Variants in NDUFAF6 observed in about 807,000 individuals in gnomAD.
The protein encoded by NDUFAF6 is NADH dehydrogenase (ubiquinone) complex I, assembly factor 6.
A neutral mutation model predicts 40.8 loss-of-function variants in NDUFAF6; 45 were observed. That is an observed-to-expected ratio of 1.10 (90% confidence interval 0.87 to 1.42). NDUFAF6 has a LOEUF of 1.42. Ranked by LOEUF, NDUFAF6 falls within the 40% of genes most tolerant of loss-of-function variation. NDUFAF6 has a pLI of 0.00. For missense variants in NDUFAF6, 435 were observed against 418.5 expected, an observed-to-expected ratio of 1.04 and a Z score of -0.34; for synonymous variants, 185 against 155.9, an observed-to-expected ratio of 1.19 and a Z score of -1.39.
chr8:95,110,599 A>G (rs1435696537), intron 4 of NDUFAF6, among the ~76,000 whole-genome samples: 1 of 152,236 alleles, frequency 6.6e-6, no homozygotes, highest in Non-Finnish European at 1.5e-5. Flanking sequence ...AAGTTAAGCC[A>G]CTGATTGAAA....
intron 4 of NDUFAF6, among the ~76,000 whole-genome samples, chr8:95,108,564 T>G (rs544572701): frequency 6.6e-6 from 1 of 152,112 alleles, no homozygotes; most frequent in East Asian, 1.9e-4. Flanking sequence ...AAGGGACAAA[T>G]TGGGAGTTAT....
At chr8:94,969,932 C>T (rs963324911) in intron 1 of NDUFAF6, among the ~76,000 whole-genome samples, 37 of 152,122 alleles carry the variant, frequency 2.4e-4, no homozygotes, top group African/African-American at 8.7e-4. Context: ...AGAAAACTGG[C>T]ACCATTAGCA....
At chr8:95,038,955 T>G (rs1469314824) in intron 3 of NDUFAF6, among the ~76,000 whole-genome samples, 1 of 149,990 alleles carries the variant, frequency 6.7e-6, no homozygotes, top group Admixed American at 6.7e-5. Flanking sequence ...AGGTGTCAGC[T>G]ACCGCACCTG....
At position 94,945,842 on chromosome 8, in the gene NDUFAF6, T is replaced by TCCAGCAGTTTCC. The variant is rs1239467599; in HGVS notation, c.-799+226_-799+237dup. Among the ~76,000 whole-genome samples the TCCAGCAGTTTCC allele has an allele frequency of 5.9e-5, 9 of 152,326 alleles. No individual in the cohort carries two copies. In the East Asian group the frequency reaches 1.5e-3, roughly 26 times the overall value. ...TTTGAACAGCTTTAACCAGCGTCAG[T>TCCAGCAGTTTCC]CCAGCAGTTTCCCCGACAAGAGAAA... On this transcript the variant is annotated intron_variant, in intron 2 of 14. Coordinates refer to the NDUFAF6 transcript ENST00000396113.
intron 7 of NDUFAF6, among the ~76,000 whole-genome samples, chr8:95,050,807 A>G (rs897459005): frequency 3.9e-5 from 6 of 152,190 alleles, no homozygotes. Context: ...TTATATATAT[A>G]TGTATACATA....
intron 9 of NDUFAF6, among the ~76,000 whole-genome samples, chr8:95,066,544 T>C (rs546243516): frequency 4.1e-4 from 63 of 152,280 alleles, no homozygotes; most frequent in Non-Finnish European, 7.1e-4. Flanking sequence ...CTAGGTTTTT[T>C]AAATCATTGT....
At chr8:94,921,693 A>G (rs540163585) in intron 1 of NDUFAF6, among the ~76,000 whole-genome samples, 1 of 152,340 alleles carries the variant, frequency 6.6e-6, no homozygotes, top group East Asian at 1.9e-4. Context: ...AAATGCAAAG[A>G]AACCATCTGG....
intron 2 of NDUFAF6, chr8:94,950,724 T>G (rs1815772062): frequency 6.6e-6 from 1 of 152,172 alleles, no homozygotes; most frequent in African/African-American, 2.4e-5. Context: ...TAATATTTTC[T>G]CCCACATGCT....
At chr8:94,938,230 G>T (rs1326518720) in intron 1 of NDUFAF6, among the ~76,000 whole-genome samples, 1 of 152,228 alleles carries the variant, frequency 6.6e-6, no homozygotes, top group Non-Finnish European at 1.5e-5. Context: ...CTCACCCTGG[G>T]AGACATGCTC....
At chr8:95,047,949 G>A (rs1830995891) in intron 6 of NDUFAF6, among the ~76,000 whole-genome samples, 1 of 151,658 alleles carries the variant, frequency 6.6e-6, no homozygotes, top group Non-Finnish European at 1.5e-5. Flanking sequence ...ACTCATGCCT[G>A]TAATCCCAGC....
intron 2 of NDUFAF6, among the ~76,000 whole-genome samples, chr8:95,102,752 T>C (rs1239947436): frequency 1.3e-5 from 2 of 152,190 alleles, no homozygotes; most frequent in African/African-American, 4.8e-5. Flanking sequence ...GAAGCAGCCA[T>C]GCTCCCAGTG....
At chr8:94,985,665 A>C (rs1825845048) in intron 2 of NDUFAF6, among the ~76,000 whole-genome samples, 1 of 146,072 alleles carries the variant, frequency 6.8e-6, no homozygotes, top group Admixed American at 6.9e-5. Flanking sequence ...CCTTCCGAGT[A>C]GGTGGGATTA....
At chr8:94,939,912 GA>G in intron 1 of NDUFAF6, 1 of 1,614,150 alleles carries the variant, frequency 6.2e-7, no homozygotes, top group African/African-American at 1.3e-5. Flanking sequence ...GCCTCACTGA[GA>G]CCAGGGCAGG....
intron 3 of NDUFAF6, 69 bp from the exon 4 acceptor site, chr8:95,041,501 A>G: frequency 9.0e-7 from 1 of 1,108,122 alleles, no homozygotes. Flanking sequence ...TGGTTTGTTC[A>G]TTTTATTCAG....
At chr8:95,057,218 A>T (rs1365826589) in intron 8 of NDUFAF6, among the ~76,000 whole-genome samples, 2 of 152,226 alleles carry the variant, frequency 1.3e-5, no homozygotes, top group African/African-American at 4.8e-5. Context: ...AAGACAATTG[A>T]AAGCCAAAAA....
chr8:95,089,275 G>T (rs1345749463), intron 2 of NDUFAF6, among the ~76,000 whole-genome samples: 3 of 151,842 alleles, frequency 2.0e-5, no homozygotes, highest in East Asian at 1.9e-4. Context: ...GCCCAGGCTG[G>T]TCTTGAACTC....
At chr8:94,971,508 C>T (rs996626853) in intron 1 of NDUFAF6, among the ~76,000 whole-genome samples, 3 of 152,210 alleles carry the variant, frequency 2.0e-5, no homozygotes, top group Non-Finnish European at 2.9e-5. Context: ...TTGGCAATGA[C>T]TAGCTTGGAG....
intron 1 of NDUFAF6, chr8:94,932,014 T>G (rs1820455955): frequency 3.3e-6 from 5 of 1,529,096 alleles, no homozygotes; most frequent in Middle Eastern, 1.7e-4. Context: ...AGCATTTGGG[T>G]CCTTTGCCTC....
chr8:94,972,087 A>C (rs188658659), intron 1 of NDUFAF6, among the ~76,000 whole-genome samples: 53 of 152,344 alleles, frequency 3.5e-4, no homozygotes, highest in African/African-American at 1.2e-3. Context: ...TTATTTAATA[A>C]ATGCTAAATC....
Sources: gnomAD v4.1 joint callset for allele counts (sites outside exome capture counted in the v4.1 genomes callset) on GRCh38, gnomAD v4.1.1 for gene constraint, MANE v1.5 for transcripts, NCBI Gene and HGNC (gene_info 2026-07-23, HGNC 2026-07-21) for gene names.